Variants in ESYT3 observed in about 807,000 individuals in gnomAD.
ESYT3 encodes extended synaptotagmin 3, also known as extended synaptotagmin-3.
ESYT3 carries 101 observed loss-of-function variants against 111.5 expected under a neutral mutation model. That is an observed-to-expected ratio of 0.91 (90% CI 0.77 to 1.07). The LOEUF is 1.07. ESYT3 is among the 50% of genes least tolerant of loss of function. The pLI, the probability that ESYT3 is intolerant of heterozygous loss-of-function variation, is 0.00. For missense variants in ESYT3, 1,097 were observed against 1,109.4 expected, an observed-to-expected ratio of 0.99 and a Z score of 0.16; for synonymous variants, 416 against 446.8, an observed-to-expected ratio of 0.93 and a Z score of 0.87.
chr3:138,471,510 A>G (rs756268052), intron 17 of ESYT3, among the ~76,000 whole-genome samples: 5 of 152,174 alleles, frequency 3.3e-5, no homozygotes, highest in African/African-American at 4.8e-5. Context: ...TCTCATGTTT[A>G]TATTCCATCT....
rs1444464293 is a variant in ESYT3, at chr3:138,435,733, A to C, written c.327+608A>C. Among the ~76,000 whole-genome samples, 1 of 152,174 alleles carries C rather than the reference A, an allele frequency of 6.6e-6. No homozygotes were observed. Among genetic ancestry groups the C allele is most frequent in the South Asian group, 2.1e-4 (1 of 4,820 alleles). Reference sequence around the variant, plus strand: ...CCGGCACACGCACACTGCCCCGACAAACCCATCTCCTGGGGCGGCATGGGC... The same window carrying C: ...CCGGCACACGCACACTGCCCCGACACACCCATCTCCTGGGGCGGCATGGGC... On this transcript the variant is annotated intron_variant, in intron 1 of 22. Coordinates refer to ENST00000389567, the MANE Select transcript of ESYT3 (RefSeq NM_031913.5). This position sits in a 1 kb window ranked among gnomAD's most constrained non-coding sequence, Gnocchi z 4.8.
At chr3:138,459,341 G>A (rs764646835) in intron 5 of ESYT3, 88 bp downstream of exon 5, 27 of 1,102,616 alleles carry the variant, frequency 2.4e-5, no homozygotes, top group Non-Finnish European at 3.5e-5. Context: ...AGAGTAGGCC[G>A]CAGAAGGTGG....
At chr3:138,480,026 C>G (rs866730571), downstream of ESYT3, 30 of 152,084 alleles carry the variant, frequency 2.0e-4, no homozygotes, top group African/African-American at 7.2e-4. Context: ...AGAGTAATAG[C>G]AGAAAGCCAA....
intron 1 of ESYT3, among the ~76,000 whole-genome samples, chr3:138,448,266 TAAAAAAAAAAA>T (rs71146126): frequency 4.5e-5 from 2 of 44,608 alleles, no homozygotes; most frequent in African/African-American, 9.1e-5. Flanking sequence ...AAACTCGATC[TAAAAAAAAAAA>T]AAAAAAAAAA....
At chr3:138,461,611 C>T (rs2032644438) in intron 7 of ESYT3, among the ~76,000 whole-genome samples, 1 of 152,196 alleles carries the variant, frequency 6.6e-6, no homozygotes, top group African/African-American at 2.4e-5. Flanking sequence ...CCGTGCCAGC[C>T]CTGTTCCAGG....
At chr3:138,481,267 C>A (rs550187514), downstream of ESYT3, 1 of 152,152 alleles carries the variant, frequency 6.6e-6, no homozygotes, top group Admixed American at 6.5e-5. Flanking sequence ...TAGGCTGGTG[C>A]GGTGGCACAC....
chr3:138,466,359 A>G (rs752597803), intron 10 of ESYT3, among the ~76,000 whole-genome samples: 11 of 152,238 alleles, frequency 7.2e-5, no homozygotes, highest in Non-Finnish European at 1.2e-4. Context: ...AGGGGGCACA[A>G]TCTGACAGTT....
chr3:138,437,855 C>T (rs2030839421), intron 1 of ESYT3, among the ~76,000 whole-genome samples: 1 of 151,998 alleles, frequency 6.6e-6, no homozygotes, highest in Non-Finnish European at 1.5e-5. Flanking sequence ...GAGCTGTTGA[C>T]CATTATTGCG....
In ESYT3 at chr3:138,473,533, C is replaced by G. The variant is rs1422821295; in HGVS notation, c.2238-3C>G. ...AGAGAAGTGATGGGCTCTTTCTTTA[C>G]AGAGGTGGGGACCTCAGGCGACGGC... On this transcript the variant is annotated splice_polypyrimidine_tract_variant and splice_region_variant and intron_variant, in intron 18 of 22. Coordinates refer to ENST00000389567, the MANE Select transcript of ESYT3 (RefSeq NM_031913.5). 1 of 1,612,508 alleles carries G rather than the reference C, an allele frequency of 6.2e-7. No individual in the cohort carries two copies. The highest frequency in any genetic ancestry group is 1.7e-5 in the Admixed American group (1 of 59,976).
chr3:138,452,256 A>T (rs1210837607), intron 2 of ESYT3, among the ~76,000 whole-genome samples, 167 bp downstream of exon 2: 1 of 152,180 alleles, frequency 6.6e-6, no homozygotes, highest in East Asian at 1.9e-4. Flanking sequence ...CGCTTTTGTT[A>T]ACAACAACAA....
chr3:138,438,692 T>C (rs933190659), intron 1 of ESYT3, among the ~76,000 whole-genome samples: 1 of 151,988 alleles, frequency 6.6e-6, no homozygotes. Context: ...TAAAAGGAGG[T>C]TGTATTGGAT....
At chr3:138,457,449 C>T (rs974952591) in intron 3 of ESYT3, 119 bp from the exon 4 acceptor site, 6 of 861,480 alleles carry the variant, frequency 7.0e-6, no homozygotes, top group African/African-American at 3.3e-5. Context: ...GTCTGTGCCT[C>T]GTCTTGGAAG....
chr3:138,465,162 C>G (rs953132870), intron 9 of ESYT3, among the ~76,000 whole-genome samples, 177 bp from the exon 10 acceptor site: 11 of 152,238 alleles, frequency 7.2e-5, no homozygotes, highest in Non-Finnish European at 1.5e-4. Flanking sequence ...CATGTTTTCT[C>G]TAATCTTCTC....
chr3:138,467,707 T>A, intron 11 of ESYT3, 98 bp downstream of exon 11: 1 of 1,134,284 alleles, frequency 8.8e-7, no homozygotes, highest in Non-Finnish European at 1.3e-6. Context: ...TCCTATGCTG[T>A]GGTCCCCCTC....
Position 138,474,271 on chromosome 3 carries a change from A to G in ESYT3, c.2387A>G (p.Tyr796Cys). Residue 796 changes from tyrosine (Y) to cysteine (C), a missense_variant, in exon 20 of 23, where the codon TAC becomes TGC. Physicochemically the swap from Tyr to Cys is radical, Grantham distance 194. Coordinates refer to ENST00000389567, the MANE Select transcript of ESYT3 (RefSeq NM_031913.5). ...SSGADPYVRV[Y>C]LLPERKWACR... ...GGAGCTGATCCCTACGTCCGTGTCT[A>G]CTTGTTGCCAGAAAGGAAGTGGGCA... The G allele has an allele frequency of 1.2e-6, 2 of 1,613,454 alleles. No individual in the cohort carries two copies. The highest frequency in any genetic ancestry group is 1.7e-6 in the Non-Finnish European group (2 of 1,179,878).
intron 1 of ESYT3, among the ~76,000 whole-genome samples, chr3:138,447,357 A>G (rs1200669485): frequency 4.6e-5 from 7 of 152,156 alleles, no homozygotes; most frequent in Non-Finnish European, 1.0e-4. Context: ...TTATTATTAG[A>G]AAACAGCAAA....
At chr3:138,464,570 G>A (rs1347295764) in intron 9 of ESYT3, 55 bp downstream of exon 9, 2 of 1,586,744 alleles carry the variant, frequency 1.3e-6, no homozygotes, top group Non-Finnish European at 1.7e-6. Flanking sequence ...CTGGGCAGAG[G>A]CAATCCAGGG....
At chr3:138,455,126 C>T (rs2032191950) in intron 2 of ESYT3, 68 bp from the exon 3 acceptor site, 1 of 1,581,464 alleles carries the variant, frequency 6.3e-7, no homozygotes, top group Non-Finnish European at 8.6e-7. Flanking sequence ...GGACCTTGTC[C>T]CATGCAGCTG....
chr3:138,470,775 G>A (rs1221999649), intron 16 of ESYT3, 102 bp from the exon 17 acceptor site: 1 of 1,579,032 alleles, frequency 6.3e-7, no homozygotes, highest in African/African-American at 1.3e-5. Context: ...TAGAAGCACA[G>A]TACAGACTGA....
Sources: gnomAD v4.1 joint callset for allele counts (sites outside exome capture counted in the v4.1 genomes callset) on GRCh38, gnomAD v4.1.1 for gene constraint, Gnocchi (gnomAD v3.1) non-coding constraint, MANE v1.5 for transcripts, NCBI Gene and HGNC (gene_info 2026-07-23, HGNC 2026-07-21) for gene names.